GRID2: variants seen among roughly 807,000 people sequenced by gnomAD.
GRID2 encodes the protein glutamate receptor ionotropic, delta-2.
Under a neutral mutation model 114.8 loss-of-function variants are expected in GRID2, and 33 were observed. The ratio of observed to expected loss-of-function variants is 0.29; its 90% CI spans 0.22 to 0.38. The LOEUF (loss-of-function observed/expected upper bound fraction) is 0.38. GRID2 is among the 10% of genes least tolerant of loss of function. The pLI is 1.00. For synonymous variants in GRID2, 505 were observed against 449.9 expected, an observed-to-expected ratio of 1.12 and a Z score of -1.55; for missense variants, 1,184 against 1,257.7, an observed-to-expected ratio of 0.94 and a Z score of 0.89.
intron 2 of GRID2, among the ~76,000 whole-genome samples, chr4:92,699,452 T>C: frequency 6.6e-6 from 1 of 152,158 alleles, no homozygotes; most frequent in Non-Finnish European, 1.5e-5. Flanking sequence ...TCTCTAAGTC[T>C]CTACTGCTCA....
chr4:92,432,371 C>T lies in GRID2; in HGVS notation c.88+127627C>T, dbSNP rs142945222. ...TGGCCCAGGGTGGGTCCAGAAATGC[C>T]GTTTGGGGACCAAGGCCTGAGTCAC... On this transcript the variant is annotated intron_variant, in intron 1 of 15. Transcript: ENST00000282020. 4.1e-4 allele frequency among the ~76,000 whole-genome samples: 63 copies of T among 152,230 alleles called. 2 individuals are homozygous for T. In the East Asian group the frequency reaches 0.011, roughly 27 times the overall value.
intron 2 of GRID2, among the ~76,000 whole-genome samples, chr4:92,611,701 A>C (rs1729751476): frequency 6.6e-6 from 1 of 151,602 alleles, no homozygotes; most frequent in African/African-American, 2.4e-5. Context: ...ACTTTTGTAA[A>C]ATACGTGAAG....
At chr4:92,679,415 C>T (rs1579827473) in intron 2 of GRID2, among the ~76,000 whole-genome samples, 1 of 151,982 alleles carries the variant, frequency 6.6e-6, no homozygotes, top group Admixed American at 6.6e-5. Context: ...AGAACCATTA[C>T]CCTCTGTCTA....
chr4:92,880,256 C>A (rs1177167437), intron 2 of GRID2, among the ~76,000 whole-genome samples: 1 of 152,144 alleles, frequency 6.6e-6, no homozygotes, highest in Non-Finnish European at 1.5e-5. Context: ...ACTGCTTGCA[C>A]TTGATTACCT....
intron 2 of GRID2, among the ~76,000 whole-genome samples, chr4:93,052,590 G>A (rs757494430): frequency 2.1e-4 from 32 of 151,946 alleles, no homozygotes; most frequent in Non-Finnish European, 4.1e-4. Context: ...ATGTAGAAAA[G>A]TAAAATACAG....
intron 2 of GRID2, among the ~76,000 whole-genome samples, chr4:92,717,473 G>A (rs552263090): frequency 4.3e-4 from 66 of 152,270 alleles, no homozygotes; most frequent in Admixed American, 1.5e-3. Context: ...TGTTTGACGA[G>A]CTATAAAGCA....
intron 2 of GRID2, among the ~76,000 whole-genome samples, chr4:92,620,536 A>G (rs1730219880): frequency 1.3e-5 from 2 of 151,834 alleles, no homozygotes; most frequent in South Asian, 4.1e-4. Flanking sequence ...GTATACAATT[A>G]GCACAAATAA....
At chr4:93,678,442 C>A (rs1350699921) in intron 14 of GRID2, among the ~76,000 whole-genome samples, 1 of 151,440 alleles carries the variant, frequency 6.6e-6, no homozygotes, top group Non-Finnish European at 1.5e-5. Context: ...CAAAGCTACT[C>A]CTCGAGAAGA....
chr4:92,924,187 G>A (rs969456925), intron 2 of GRID2, among the ~76,000 whole-genome samples: 5 of 152,086 alleles, frequency 3.3e-5, no homozygotes, highest in African/African-American at 1.2e-4. Context: ...CTCACAGGTG[G>A]GAATTGAACA....
At chr4:92,712,555 T>C (rs1309278455) in intron 2 of GRID2, among the ~76,000 whole-genome samples, 2 of 152,130 alleles carry the variant, frequency 1.3e-5, no homozygotes, top group Non-Finnish European at 1.5e-5. Context: ...CTTCCATATA[T>C]AGTATATAGA....
intron 14 of GRID2, among the ~76,000 whole-genome samples, chr4:93,636,932 G>A (rs1197218469): frequency 6.6e-6 from 1 of 152,068 alleles, no homozygotes; most frequent in African/African-American, 2.4e-5. Context: ...GCCCTGTTCT[G>A]CCAGTTCCTT....
At chr4:93,016,420 G>A (rs1034707472) in intron 2 of GRID2, among the ~76,000 whole-genome samples, 1 of 152,046 alleles carries the variant, frequency 6.6e-6, no homozygotes, top group African/African-American at 2.4e-5. Context: ...GTTGCTTTGA[G>A]GTAGCTAGTA....
intron 8 of GRID2, among the ~76,000 whole-genome samples, chr4:93,298,802 A>C (rs574671132): frequency 6.2e-4 from 95 of 152,312 alleles, no homozygotes; most frequent in Non-Finnish European, 1.1e-3. Flanking sequence ...GGTAACTTTC[A>C]CATTAACTTT....
intron 2 of GRID2, among the ~76,000 whole-genome samples, chr4:92,620,585 T>C (rs1384566487): frequency 1.3e-5 from 2 of 151,112 alleles, no homozygotes; most frequent in African/African-American, 2.4e-5. Context: ...GAAATAATTG[T>C]AAATGGTAGT....
intron 2 of GRID2, among the ~76,000 whole-genome samples, chr4:93,017,731 G>A (rs1311313509): frequency 6.7e-6 from 1 of 150,260 alleles, no homozygotes; most frequent in African/African-American, 2.5e-5. Context: ...GAAGGTGGAG[G>A]TTGCAGTGAG....
chr4:92,612,473 A>C (rs540454402), intron 2 of GRID2, among the ~76,000 whole-genome samples: 1 of 151,598 alleles, frequency 6.6e-6, no homozygotes, highest in African/African-American at 2.4e-5. Context: ...TCAGCTTGCC[A>C]GTTGCTGCAA....
chr4:92,453,218 C>G (rs1451903856), intron 1 of GRID2, among the ~76,000 whole-genome samples: 1 of 151,856 alleles, frequency 6.6e-6, no homozygotes, highest in African/African-American at 2.4e-5. Context: ...AGTTCTGATC[C>G]CTGGGAAAGG....
rs1578133128 is a variant in GRID2 at position 92,743,654 on chromosome 4, A to G, written c.244+153368A>G. On this transcript the variant is annotated intron_variant, in intron 2 of 15. Transcript: ENST00000282020. ...CAAATTATTGGATCTTCCTCTCTCA[A>G]AGAAATGGACTGGAATAAATCAGTG... Among the ~76,000 whole-genome samples the G allele has an allele frequency of 2.0e-5, 3 of 152,304 alleles. No homozygotes were observed. The Middle Eastern group carries it at 0.01, about 518-fold the overall frequency.
At chr4:93,024,696 T>C (rs1301561037) in intron 2 of GRID2, among the ~76,000 whole-genome samples, 1 of 151,836 alleles carries the variant, frequency 6.6e-6, no homozygotes, top group African/African-American at 2.4e-5. Context: ...AAGATTTTCA[T>C]ATATTGTTGT....
Sources: allele counts gnomAD v4.1 joint callset (sites outside exome capture counted in the v4.1 genomes callset), GRCh38; gene constraint gnomAD v4.1.1; transcripts MANE v1.5; gene names NCBI Gene and HGNC (gene_info 2026-07-23, HGNC 2026-07-21).